Variants in VPS53 observed in about 807,000 individuals in gnomAD.
The protein encoded by VPS53 is vacuolar protein sorting-associated protein 53 homolog.
Under a neutral mutation model 107.0 loss-of-function variants are expected in VPS53, and 70 were observed. The observed-to-expected ratio is 0.65, with a 90% CI of 0.54 to 0.80. VPS53 has a LOEUF of 0.80. Among genes scored for constraint, VPS53 ranks in the 30% least tolerant of loss-of-function variants. The pLI is 0.00. For missense variants in VPS53, 917 were observed against 1,049.4 expected (o/e 0.87, Z 1.74); for synonymous variants, 409 against 393.3 (o/e 1.04, Z -0.47).
At chr17:555,443 C>T (rs1362695228) in intron 15 of VPS53, among the ~76,000 whole-genome samples, 4 of 152,136 alleles carry the variant, frequency 2.6e-5, no homozygotes, top group South Asian at 2.1e-4. Context: ...GTGATCTACC[C>T]GCCTCAGCCT....
intron 4 of VPS53, among the ~76,000 whole-genome samples, chr17:667,659 G>T (rs905645819): frequency 1.5e-4 from 19 of 125,698 alleles, no homozygotes; most frequent in East Asian, 3.2e-4. Context: ...ATGTTCTGGG[G>T]GGGGGGGCAA....
intron 2 of VPS53, among the ~76,000 whole-genome samples, chr17:702,361 TAAATAAAAATA>T (rs962372645): frequency 2.6e-5 from 4 of 150,970 alleles, no homozygotes; most frequent in African/African-American, 7.3e-5. Flanking sequence ...AAAGAAAAAA[TAAATAAAAATA>T]AAATAAAAAT....
intron 12 of VPS53, among the ~76,000 whole-genome samples, chr17:591,173 T>G: frequency 6.6e-6 from 1 of 152,228 alleles, no homozygotes. Context: ...CATAGAGGTG[T>G]TTGTAGTATT....
At chr17:532,273 TTTTG>T (rs550718875) in intron 19 of VPS53, 383 of 151,812 alleles carry the variant, frequency 2.5e-3, no homozygotes, top group African/African-American at 7.2e-3. Flanking sequence ...TTGCTAGTTT[TTTTG>T]TTTGTTTGTT....
At chr17:631,479 T>G (rs768433014) in intron 8 of VPS53, 71 bp downstream of exon 8, 16 of 1,482,290 alleles carry the variant, frequency 1.1e-5, no homozygotes, top group Non-Finnish European at 1.5e-5. Flanking sequence ...AACCACATGG[T>G]GACTGGGGTG....
intron 4 of VPS53, among the ~76,000 whole-genome samples, chr17:695,350 C>T (rs567976396): frequency 6.6e-6 from 1 of 152,148 alleles, no homozygotes; most frequent in Non-Finnish European, 1.5e-5. Context: ...CTGAGCTGGT[C>T]CTTGGATGGG....
intron 4 of VPS53, among the ~76,000 whole-genome samples, chr17:693,639 T>C (rs1462607563): frequency 2.0e-5 from 3 of 152,094 alleles, no homozygotes; most frequent in African/African-American, 7.2e-5. Context: ...GAGGCTAAGG[T>C]GGGAGGATCA....
chr17:528,491 A>C (rs1206017293), intron 19 of VPS53, among the ~76,000 whole-genome samples: 1 of 152,116 alleles, frequency 6.6e-6, no homozygotes, highest in African/African-American at 2.4e-5. Context: ...GTTTATCATC[A>C]GCTGATGGAC....
At chr17:659,482 T>C (rs928442279) in intron 5 of VPS53, among the ~76,000 whole-genome samples, 1 of 152,156 alleles carries the variant, frequency 6.6e-6, no homozygotes, top group African/African-American at 2.4e-5. Flanking sequence ...GGTTTTGCCA[T>C]GTTGGCCAGG....
chr17:523,539 G>A (rs1908905853), intron 19 of VPS53: 1 of 152,172 alleles, frequency 6.6e-6, no homozygotes, highest in African/African-American at 2.4e-5. Flanking sequence ...ACTAAGTAAC[G>A]ACAGATACTA....
chr17:598,714 C>T (rs1454346396), intron 12 of VPS53, among the ~76,000 whole-genome samples: 1 of 109,280 alleles, frequency 9.2e-6, no homozygotes, highest in South Asian at 3.3e-4. Flanking sequence ...GTGAGGAGAC[C>T]CTCTGCCCGG....
At chr17:629,719 C>G (rs928490746) in intron 8 of VPS53, among the ~76,000 whole-genome samples, 6 of 151,246 alleles carry the variant, frequency 4.0e-5, no homozygotes, top group Admixed American at 3.3e-4. Context: ...GCCGAGATCG[C>G]ACCACGACAC....
At chr17:626,730 A>G (rs1248823945) in intron 10 of VPS53, among the ~76,000 whole-genome samples, 1 of 152,224 alleles carries the variant, frequency 6.6e-6, no homozygotes, top group Non-Finnish European at 1.5e-5. Flanking sequence ...GGAGTGGGAA[A>G]TTCATTCAAC....
In VPS53 at chr17:662,751, G is replaced by GAGAAAGAAAGAA. The variant is rs148578494; in HGVS notation, c.286-868_286-857dup. ...AGGGAGAGAAAGAGAGACAAAGAAA[G>GAGAAAGAAAGAA]AGAAAGAAAGAAAGAAAGAAAGAGA... On this transcript the variant is annotated intron_variant, in intron 4 of 21. Transcript: ENST00000437048. 1.0e-2 allele frequency among the ~76,000 whole-genome samples: 800 copies of GAGAAAGAAAGAA among 80,054 alleles called. 12 individuals carry two copies. The highest frequency in any genetic ancestry group is 0.046 in the East Asian group (125 of 2,742). 52.5% of individuals were successfully genotyped at this position (80,054 alleles called of 152,430 possible).
At chr17:665,262 C>G (rs1461643020) in intron 4 of VPS53, among the ~76,000 whole-genome samples, 2 of 152,130 alleles carry the variant, frequency 1.3e-5, no homozygotes, top group Non-Finnish European at 2.9e-5. Flanking sequence ...GTGAGAAGGC[C>G]CTCGCCGCAG....
chr17:589,931 G>A (rs1046913933), intron 12 of VPS53, among the ~76,000 whole-genome samples: 11 of 151,986 alleles, frequency 7.2e-5, no homozygotes, highest in African/African-American at 2.7e-4. Context: ...TTGGTAGCTT[G>A]ATGGGGATGG....
chr17:685,092 G>A (rs1275574696), intron 4 of VPS53: 1 of 152,156 alleles, frequency 6.6e-6, no homozygotes, highest in Non-Finnish European at 1.5e-5. Flanking sequence ...GAGATGCAAT[G>A]AGAGACAGAG....
chr17:581,675 T>C (rs531262846), intron 13 of VPS53, among the ~76,000 whole-genome samples: 8 of 150,646 alleles, frequency 5.3e-5, no homozygotes, highest in African/African-American at 1.7e-4. Flanking sequence ...CAGAACCTAA[T>C]GCATCCCCGG....
rs183206540 is a variant in VPS53 at position 582,195 on chromosome 17, C to T, written c.1313+4075G>A. Among the ~76,000 whole-genome samples the T allele has an allele frequency of 1.0e-3, 138 of 134,608 alleles. 2 individuals are homozygous for T. The highest frequency in any genetic ancestry group is 3.4e-3 in the African/African-American group (135 of 39,344). The allele number at this position is 134,608 out of a possible 152,430, so 88.3% of individuals were successfully genotyped here. ...AGAGAACCTCCCTCAGAACCTAATG[C>T]ATCCCAGAGAACATCACTCAGAACC... On this transcript the variant is annotated intron_variant, in intron 13 of 21. Coordinates refer to ENST00000437048, the MANE Select transcript of VPS53 (RefSeq NM_001128159.3).
Sources: gnomAD v4.1 joint callset for allele counts (sites outside exome capture counted in the v4.1 genomes callset) on GRCh38, gnomAD v4.1.1 for gene constraint, MANE v1.5 for transcripts, NCBI Gene and HGNC (gene_info 2026-07-23, HGNC 2026-07-21) for gene names.